The following CDH18 variants were observed in gnomAD, a reference collection of about 807,000 sequenced individuals.
CDH18 encodes the protein cadherin 18, also known as cadherin-18.
CDH18 carries 31 observed loss-of-function variants against 67.9 expected under a neutral mutation model. The observed-to-expected ratio is 0.46, with a 90% CI of 0.34 to 0.62. The LOEUF (loss-of-function observed/expected upper bound fraction) is 0.62. CDH18 is among the 20% of genes least tolerant of loss of function. The pLI is 0.01. For synonymous variants in CDH18, 362 were observed against 347.2 expected (o/e 1.04, Z -0.48); for missense variants, 890 against 975.5 (o/e 0.91, Z 1.17).
chr5:20,410,936 C>T (rs905250235), intron 1 of CDH18, among the ~76,000 whole-genome samples: 4 of 151,736 alleles, frequency 2.6e-5, no homozygotes, highest in African/African-American at 9.7e-5. Flanking sequence ...AACTACAGAA[C>T]ATTGATGAAA....
At chr5:20,182,377 C>T (rs939673902) in intron 2 of CDH18, among the ~76,000 whole-genome samples, 21 of 151,810 alleles carry the variant, frequency 1.4e-4, no homozygotes, top group African/African-American at 5.1e-4. Context: ...CTCAAGTGGG[C>T]AGATCACCTG....
rs189012435 is a variant in CDH18 at position 20,215,072 on chromosome 5, C to A, written c.-518+40372G>T. On this transcript the variant is annotated intron_variant, in intron 2 of 14. Transcript: ENST00000507958. Reference sequence around the variant, plus strand: ...CAAAAGAAGACATGCATGTGGCCAACAAACATATAAAAAAAGCTCAACATC... The same window carrying A: ...CAAAAGAAGACATGCATGTGGCCAAAAAACATATAAAAAAAGCTCAACATC... Among the ~76,000 whole-genome samples, 9 of 151,950 alleles carry A rather than the reference C, an allele frequency of 5.9e-5. No individual in the cohort carries two copies. The South Asian group carries it at 6.2e-4, about 11-fold the overall frequency.
Position 20,544,692 on chromosome 5 carries a change from C to A in CDH18, c.-580+30770G>T, listed in dbSNP as rs537917032. 2.6e-5 allele frequency among the ~76,000 whole-genome samples: 4 copies of A among 152,256 alleles called. No homozygotes were observed. In the South Asian group the frequency reaches 8.3e-4, roughly 32 times the overall value. On this transcript the variant is annotated intron_variant, in intron 1 of 14. Transcript: ENST00000507958. ...ACTCCCATAATCCAATCACCTCCCA[C>A]CAGGTCCCACCCTCAACGTGTGAGG...
chr5:20,561,662 A>C (rs572737596), intron 1 of CDH18, among the ~76,000 whole-genome samples: 1 of 152,180 alleles, frequency 6.6e-6, no homozygotes, highest in Admixed American at 6.6e-5. Context: ...GTATGATTCT[A>C]TAATAGTGAA....
intron 2 of CDH18, among the ~76,000 whole-genome samples, chr5:20,150,151 G>A (rs937575879): frequency 6.6e-6 from 1 of 152,038 alleles, no homozygotes; most frequent in Non-Finnish European, 1.5e-5. Flanking sequence ...ATGGGTTGAG[G>A]ACTTTAAGAA....
intron 3 of CDH18, among the ~76,000 whole-genome samples, chr5:19,759,578 T>C (rs1772071821): frequency 6.6e-6 from 1 of 152,112 alleles, no homozygotes; most frequent in Non-Finnish European, 1.5e-5. Context: ...TAAAACTCCA[T>C]TAATTACCTG....
chr5:20,174,578 A>G (rs1380727265), intron 2 of CDH18, among the ~76,000 whole-genome samples: 15 of 152,220 alleles, frequency 9.9e-5, no homozygotes, highest in Admixed American at 7.9e-4. Context: ...AACCTAGTCA[A>G]ACATGCTAAT....
intron 2 of CDH18, among the ~76,000 whole-genome samples, chr5:20,032,439 C>A (rs531737270): frequency 6.6e-6 from 1 of 151,986 alleles, no homozygotes; most frequent in African/African-American, 2.4e-5. Context: ...CAAAAATCAT[C>A]CCAGCTGAGT....
At chr5:20,000,943 A>G (rs1397078321) in intron 2 of CDH18, among the ~76,000 whole-genome samples, 1 of 152,208 alleles carries the variant, frequency 6.6e-6, no homozygotes, top group Non-Finnish European at 1.5e-5. Flanking sequence ...GTAACTTTAT[A>G]TGACTAATTA....
upstream of CDH18, among the ~76,000 whole-genome samples, chr5:19,992,327 A>G (rs1800031681): frequency 6.6e-6 from 1 of 152,116 alleles, no homozygotes; most frequent in African/African-American, 2.4e-5. Context: ...TGTAAAACAG[A>G]TAATTGTTGT....
chr5:19,783,975 T>C (rs1374549982), intron 3 of CDH18, among the ~76,000 whole-genome samples: 4 of 152,132 alleles, frequency 2.6e-5, no homozygotes, highest in Admixed American at 6.6e-5. Context: ...AAAAATCCCA[T>C]AGGTAGATAT....
intron 1 of CDH18, among the ~76,000 whole-genome samples, chr5:20,506,533 C>A (rs955454453): frequency 6.6e-6 from 1 of 152,162 alleles, no homozygotes; most frequent in Admixed American, 6.5e-5. Flanking sequence ...CCAGCAACCA[C>A]GTAAGTGGGG....
chr5:20,001,726 T>G (rs1036179316), intron 2 of CDH18, among the ~76,000 whole-genome samples: 2 of 152,180 alleles, frequency 1.3e-5, no homozygotes, highest in African/African-American at 4.8e-5. Context: ...GCGGGTCTCT[T>G]GCGTTGTATA....
chr5:20,456,996 T>C (rs750060438), intron 1 of CDH18, among the ~76,000 whole-genome samples: 4 of 152,222 alleles, frequency 2.6e-5, no homozygotes, highest in Admixed American at 2.6e-4. Flanking sequence ...TCTAACATTA[T>C]GTAAACCAAA....
intron 1 of CDH18, among the ~76,000 whole-genome samples, chr5:20,531,288 G>A (rs1756383073): frequency 6.6e-6 from 1 of 152,092 alleles, no homozygotes; most frequent in South Asian, 2.1e-4. Flanking sequence ...TACACTGTTG[G>A]TGGAAATGTA....
intron 1 of CDH18, among the ~76,000 whole-genome samples, chr5:20,370,851 A>G (rs1342529614): frequency 2.0e-5 from 3 of 152,082 alleles, no homozygotes; most frequent in African/African-American, 7.2e-5. Context: ...AGCCTGGCCA[A>G]CATGATGAAA....
chr5:20,120,966 G>T (rs1748304738), intron 2 of CDH18, among the ~76,000 whole-genome samples: 1 of 151,996 alleles, frequency 6.6e-6, no homozygotes, highest in African/African-American at 2.4e-5. Context: ...TTATTGCTGG[G>T]TGTCACTGGC....
chr5:19,649,404 C>T (rs1301976692), intron 5 of CDH18, among the ~76,000 whole-genome samples: 2 of 152,016 alleles, frequency 1.3e-5, no homozygotes, highest in Non-Finnish European at 2.9e-5. Context: ...CAATATTTGG[C>T]TTCATGTGGG....
chr5:20,363,774 A>AC lies in CDH18; in HGVS notation c.-579-108270dup, dbSNP rs1742296658. Among the ~76,000 whole-genome samples, 9 of 150,892 alleles carry AC rather than the reference A, an allele frequency of 6.0e-5. No individual in the cohort carries two copies. The South Asian group carries it at 1.9e-3, about 32-fold the overall frequency. ...AGAAGCATTGGTAAGTATCTGTATTACCCCATTCATTGCTCTGTGTGGCCA... is the reference window on the plus strand; with the variant it reads ...AGAAGCATTGGTAAGTATCTGTATTACCCCCATTCATTGCTCTGTGTGGCCA... On this transcript the variant is annotated intron_variant, in intron 1 of 14. Transcript: ENST00000507958.
Sources: allele counts gnomAD v4.1 joint callset (sites outside exome capture counted in the v4.1 genomes callset), GRCh38; gene constraint gnomAD v4.1.1; transcripts MANE v1.5; gene names NCBI Gene and HGNC (gene_info 2026-07-23, HGNC 2026-07-21).